The following EYS variants were observed in gnomAD, a reference collection of about 807,000 sequenced individuals.
The protein encoded by EYS is protein eyes shut homolog.
In EYS, 250 loss-of-function variants were observed where a neutral mutation model predicts 282.1. The ratio of observed to expected loss-of-function variants is 0.89; its 90% CI spans 0.80 to 0.98. The LOEUF (loss-of-function observed/expected upper bound fraction) is 0.98, where lower values mean the gene tolerates loss of function less well. Among genes scored for constraint, EYS ranks in the 50% least tolerant of loss-of-function variants. EYS has a pLI of 0.00. For missense variants in EYS, 4,016 were observed against 3,709.0 expected, an observed-to-expected ratio of 1.08 and a Z score of -2.15; for synonymous variants, 1,355 against 1,282.9, an observed-to-expected ratio of 1.06 and a Z score of -1.20.
chr6:64,313,955 T>A (rs1389137721), intron 29 of EYS, among the ~76,000 whole-genome samples: 1 of 151,874 alleles, frequency 6.6e-6, no homozygotes, highest in Non-Finnish European at 1.5e-5. Flanking sequence ...AGAAACTGCA[T>A]CAACTAATGG....
chr6:63,728,968 A>G (rs1231811619), intron 41 of EYS, among the ~76,000 whole-genome samples: 1 of 152,124 alleles, frequency 6.6e-6, no homozygotes, highest in Non-Finnish European at 1.5e-5. Context: ...GAGAGTTCCT[A>G]TTGTTCCATA....
At chr6:65,477,617 T>C (rs1356725485) in intron 5 of EYS, among the ~76,000 whole-genome samples, 3 of 152,146 alleles carry the variant, frequency 2.0e-5, no homozygotes, top group African/African-American at 7.2e-5. Context: ...ACGCATTCAA[T>C]ATTACAAGGC....
At position 64,458,339 on chromosome 6, in the gene EYS, A is replaced by G. The variant is rs150188325; in HGVS notation, c.5645-18987T>C. Reference sequence around the variant, plus strand: ...TTTAGCTTGAAGAACTATCTTTAGCATTTCATCTAAAACAAGTCTGGTGGT... The same window carrying G: ...TTTAGCTTGAAGAACTATCTTTAGCGTTTCATCTAAAACAAGTCTGGTGGT... On this transcript the variant is annotated intron_variant, in intron 26 of 42. Transcript: ENST00000503581. Among the ~76,000 whole-genome samples the G allele has an allele frequency of 2.8e-3, 421 of 152,092 alleles. 2 individuals carry two copies. Among genetic ancestry groups the G allele is most frequent in the African/African-American group, 9.4e-3 (392 of 41,504 alleles).
intron 22 of EYS, among the ~76,000 whole-genome samples, chr6:64,652,777 C>A (rs1183935286): frequency 2.0e-5 from 3 of 152,096 alleles, no homozygotes; most frequent in Non-Finnish European, 4.4e-5. Context: ...CGATAAAGAA[C>A]AGGTAAGCAA....
chr6:64,083,107 C>T (rs1043095978), intron 31 of EYS, among the ~76,000 whole-genome samples: 12 of 151,974 alleles, frequency 7.9e-5, no homozygotes, highest in Non-Finnish European at 1.6e-4. Flanking sequence ...CAGGGTTTCA[C>T]CATGTTGCCC....
intron 31 of EYS, among the ~76,000 whole-genome samples, chr6:64,086,002 T>C (rs917755342): frequency 6.6e-6 from 1 of 152,228 alleles, no homozygotes; most frequent in African/African-American, 2.4e-5. Flanking sequence ...TTCATGACAC[T>C]GTTCTGTACT....
intron 31 of EYS, among the ~76,000 whole-genome samples, chr6:64,219,903 C>T (rs1046722601): frequency 7.1e-5 from 10 of 140,806 alleles, no homozygotes; most frequent in African/African-American, 2.5e-4. Context: ...AAGCTGGAAA[C>T]CATCATTCTC....
At chr6:65,284,856 A>G (rs1340176592) in intron 12 of EYS, among the ~76,000 whole-genome samples, 1 of 152,078 alleles carries the variant, frequency 6.6e-6, no homozygotes, top group Non-Finnish European at 1.5e-5. Context: ...AGATCATCCT[A>G]TAACTTATAA....
intron 22 of EYS, among the ~76,000 whole-genome samples, chr6:64,634,597 T>A (rs1767908497): frequency 1.3e-5 from 2 of 149,000 alleles, no homozygotes; most frequent in East Asian, 3.9e-4. Context: ...AATATTGAAG[T>A]GTGGTATAGT....
intron 15 of EYS, among the ~76,000 whole-genome samples, chr6:64,941,049 G>A (rs1562268023): frequency 2.6e-5 from 4 of 152,030 alleles, no homozygotes; most frequent in Admixed American, 2.6e-4. Flanking sequence ...ATCTACATAA[G>A]AGATGCAATG....
intron 33 of EYS, among the ~76,000 whole-genome samples, chr6:64,036,220 T>G (rs1403451161): frequency 6.6e-6 from 1 of 152,160 alleles, no homozygotes; most frequent in Non-Finnish European, 1.5e-5. Context: ...ATGATAGAAC[T>G]TAAAGTATAA....
chr6:64,342,473 T>A (rs1771160892), intron 29 of EYS, among the ~76,000 whole-genome samples: 1 of 151,874 alleles, frequency 6.6e-6, no homozygotes, highest in Non-Finnish European at 1.5e-5. Flanking sequence ...CTAAGCTTCA[T>A]AAGTGAAGGA....
intron 35 of EYS, among the ~76,000 whole-genome samples, chr6:63,965,389 G>C (rs546914039): frequency 1.3e-5 from 2 of 152,174 alleles, no homozygotes; most frequent in Admixed American, 1.3e-4. Context: ...CACACTAATA[G>C]GTAACATTTA....
intron 36 of EYS, among the ~76,000 whole-genome samples, chr6:63,814,708 T>C (rs182428574): frequency 1.2e-4 from 18 of 152,300 alleles, no homozygotes; most frequent in African/African-American, 4.3e-4. Context: ...TAGGTACTGG[T>C]AGGATGTTTT....
chr6:64,327,819 A>T (rs536484186), intron 29 of EYS, among the ~76,000 whole-genome samples: 1 of 152,294 alleles, frequency 6.6e-6, no homozygotes, highest in East Asian at 1.9e-4. Flanking sequence ...CATCCCTGGC[A>T]AGGCTTAGAC....
At chr6:64,046,252 A>G (rs1770621317) in intron 33 of EYS, among the ~76,000 whole-genome samples, 1 of 151,908 alleles carries the variant, frequency 6.6e-6, no homozygotes, top group Non-Finnish European at 1.5e-5. Context: ...GCCTAACAGT[A>G]AGCAGTGACA....
intron 12 of EYS, among the ~76,000 whole-genome samples, chr6:65,100,641 G>A (rs1204362547): frequency 6.6e-6 from 1 of 150,744 alleles, no homozygotes; most frequent in East Asian, 1.9e-4. Context: ...GTTTTGTTTT[G>A]TTTTAATATA....
At chr6:63,814,698 T>C (rs1294359254) in intron 36 of EYS, among the ~76,000 whole-genome samples, 1 of 152,146 alleles carries the variant, frequency 6.6e-6, no homozygotes, top group African/African-American at 2.4e-5. Context: ...TCAAAGTAAC[T>C]AGGTACTGGT....
intron 35 of EYS, among the ~76,000 whole-genome samples, chr6:63,944,300 A>G (rs1051718867): frequency 1.3e-5 from 2 of 152,240 alleles, no homozygotes; most frequent in African/African-American, 4.8e-5. Context: ...ATGTGTTTTC[A>G]GATATATAAT....
Sources: allele counts gnomAD v4.1 joint callset (sites outside exome capture counted in the v4.1 genomes callset), GRCh38; gene constraint gnomAD v4.1.1; transcripts MANE v1.5; gene names NCBI Gene and HGNC (gene_info 2026-07-23, HGNC 2026-07-21).